Variants in MPP7 observed in about 807,000 individuals in gnomAD.
MPP7 encodes MAGUK p55 scaffold protein 7.
A neutral mutation model predicts 76.5 loss-of-function variants in MPP7; 60 were observed. The ratio of observed to expected loss-of-function variants is 0.78; its 90% CI spans 0.64 to 0.97. The LOEUF is 0.97. Ranked by LOEUF, MPP7 falls within the 50% of genes least tolerant of loss-of-function variation. The probability of loss-of-function intolerance (pLI) is 0.00; values close to 1 mark genes in which losing one functional copy is unlikely to be tolerated. For missense variants in MPP7, 641 were observed against 694.0 expected, an observed-to-expected ratio of 0.92 and a Z score of 0.86; for synonymous variants, 237 against 244.5, an observed-to-expected ratio of 0.97 and a Z score of 0.29.
At chr10:28,114,193 T>C (rs1036024271) in intron 11 of MPP7, among the ~76,000 whole-genome samples, 13 of 152,196 alleles carry the variant, frequency 8.5e-5, no homozygotes, top group African/African-American at 3.1e-4. Context: ...GGAGGATCAC[T>C]TGAAGCCAGC....
chr10:28,119,773 C>T (rs772236385), intron 10 of MPP7, 58 bp from the exon 11 acceptor site: 75 of 1,334,548 alleles, frequency 5.6e-5, no homozygotes, highest in Non-Finnish European at 7.5e-5. Context: ...GAGGTGAATA[C>T]AATATCAAAA....
At chr10:28,156,649 T>G (rs1836073340) in intron 3 of MPP7, among the ~76,000 whole-genome samples, 1 of 152,034 alleles carries the variant, frequency 6.6e-6, no homozygotes, top group African/African-American at 2.4e-5. Context: ...AGGCAGACAC[T>G]AACTGTGATC....
intron 12 of MPP7, among the ~76,000 whole-genome samples, chr10:28,078,492 TA>T (rs1852602882): frequency 6.6e-6 from 1 of 152,220 alleles, no homozygotes; most frequent in Non-Finnish European, 1.5e-5. Flanking sequence ...AAAGGCACAT[TA>T]AAAATGATTT....
intron 12 of MPP7, 56 bp from the exon 13 acceptor site, chr10:28,069,908 C>A (rs1852157045): frequency 7.7e-7 from 1 of 1,293,244 alleles, no homozygotes; most frequent in Admixed American, 1.8e-5. Flanking sequence ...ATAAACATTT[C>A]TGTAACTGAC....
chr10:28,114,538 A>T (rs182488269), intron 11 of MPP7, among the ~76,000 whole-genome samples: 238 of 152,252 alleles, frequency 1.6e-3, no homozygotes, highest in African/African-American at 5.4e-3. Flanking sequence ...TAAACGTCCC[A>T]TTCTGCTGGA....
chr10:28,306,673 A>AGAGT (rs1841258808), upstream of MPP7, among the ~76,000 whole-genome samples: 1 of 151,594 alleles, frequency 6.6e-6, no homozygotes, highest in Non-Finnish European at 1.5e-5. Context: ...ATAGATAGAG[A>AGAGT]GAGAGAGAGA....
chr10:28,198,795 A>G (rs1457672425), intron 3 of MPP7, among the ~76,000 whole-genome samples: 2 of 152,100 alleles, frequency 1.3e-5, no homozygotes, highest in Non-Finnish European at 2.9e-5. Context: ...TACAAAATAT[A>G]TGGTCCTGGA....
rs144280201 is a variant in MPP7 at position 28,331,713 on chromosome 10, T to A, written c.-205-1711A>T. ...CTTCAGTTTCCTGAGTAGCTGGGAT[T>A]ACAGGTGCACACCACCATGCCCAGC... is the stretch of plus-strand genomic sequence containing the variant. On this transcript the variant is annotated intron_variant, in intron 1 of 11. Transcript: ENST00000441595. Among the ~76,000 whole-genome samples the A allele has an allele frequency of 4.2e-3, 641 of 152,186 alleles. 4 individuals carry two copies. Among genetic ancestry groups the A allele is most frequent in the African/African-American group, 0.014 (578 of 41,510 alleles).
chr10:28,068,682 C>T (rs1852090642), intron 13 of MPP7, among the ~76,000 whole-genome samples: 2 of 152,122 alleles, frequency 1.3e-5, no homozygotes. Context: ...CCAATTACTA[C>T]ATATAAAAAG....
At chr10:28,246,236 T>A (rs948052850) in intron 1 of MPP7, among the ~76,000 whole-genome samples, 2 of 152,010 alleles carry the variant, frequency 1.3e-5, no homozygotes, top group Non-Finnish European at 2.9e-5. Flanking sequence ...CAAGGAAGCA[T>A]CCACAGAGGA....
intron 11 of MPP7, chr10:28,118,175 CACAA>C (rs773062009): frequency 1.1e-4 from 107 of 985,198 alleles, no homozygotes; most frequent in Middle Eastern, 5.2e-4. Context: ...TACATACACA[CACAA>C]ACAAACACAC....
intron 1 of MPP7, among the ~76,000 whole-genome samples, chr10:28,302,334 T>C (rs1841176985): frequency 6.6e-6 from 1 of 152,180 alleles, no homozygotes; most frequent in African/African-American, 2.4e-5. Flanking sequence ...ATTTTTTAAA[T>C]AGCAAATAAG....
intron 2 of MPP7, among the ~76,000 whole-genome samples, chr10:28,326,116 C>T (rs1372152239): frequency 1.3e-5 from 2 of 152,140 alleles, no homozygotes; most frequent in Non-Finnish European, 2.9e-5. Flanking sequence ...TGTGGTTACC[C>T]TATTCTGGAG....
chr10:28,275,531 C>T (rs546177521), intron 1 of MPP7, among the ~76,000 whole-genome samples: 5 of 151,994 alleles, frequency 3.3e-5, no homozygotes, highest in Non-Finnish European at 7.4e-5. Flanking sequence ...CTCAGCCTCC[C>T]GAGTAGCTGG....
intron 1 of MPP7, among the ~76,000 whole-genome samples, chr10:28,260,946 T>C (rs1839931998): frequency 6.6e-6 from 1 of 152,172 alleles, no homozygotes; most frequent in African/African-American, 2.4e-5. Flanking sequence ...TTTCCAAGTA[T>C]GTAAGGTGCC....
intron 2 of MPP7, among the ~76,000 whole-genome samples, chr10:28,225,044 TC>T (rs1430511338): frequency 6.6e-6 from 1 of 152,094 alleles, no homozygotes; most frequent in Non-Finnish European, 1.5e-5. Flanking sequence ...AACTAGTGCT[TC>T]CCAGGATAAA....
chr10:28,240,073 C>T (rs986450835), intron 1 of MPP7, among the ~76,000 whole-genome samples: 1 of 151,898 alleles, frequency 6.6e-6, no homozygotes, highest in African/African-American at 2.4e-5. Flanking sequence ...TTGGATCACC[C>T]CTGGCTAATA....
At chr10:28,063,978 T>C (rs1564612675) in intron 13 of MPP7, among the ~76,000 whole-genome samples, 2 of 152,324 alleles carry the variant, frequency 1.3e-5, no homozygotes, top group East Asian at 3.9e-4. Flanking sequence ...GGAGCTCACA[T>C]ACGCTACTAG....
At chr10:28,223,061 G>T (rs946124029) in intron 2 of MPP7, among the ~76,000 whole-genome samples, 1 of 151,526 alleles carries the variant, frequency 6.6e-6, no homozygotes, top group Non-Finnish European at 1.5e-5. Flanking sequence ...TTGAACCCGG[G>T]AGGCAGAGGT....
Sources: gnomAD v4.1 joint callset for allele counts (sites outside exome capture counted in the v4.1 genomes callset) on GRCh38, gnomAD v4.1.1 for gene constraint, MANE v1.5 for transcripts, NCBI Gene and HGNC (gene_info 2026-07-23, HGNC 2026-07-21) for gene names.